The following TNRC6C variants were observed in gnomAD, a reference collection of about 807,000 sequenced individuals.
TNRC6C encodes the protein trinucleotide repeat containing adaptor 6C, also known as trinucleotide repeat-containing gene 6C protein.
In TNRC6C, 20 loss-of-function variants were observed where a neutral mutation model predicts 153.7. The ratio of observed to expected loss-of-function variants is 0.13; its 90% confidence interval spans 0.09 to 0.19. The LOEUF (loss-of-function observed/expected upper bound fraction) is 0.19. TNRC6C is among the 10% of genes least tolerant of loss of function. The probability of loss-of-function intolerance (pLI) is 1.00; values close to 1 mark genes in which losing one functional copy is unlikely to be tolerated. For missense variants in TNRC6C, 1,987 were observed against 2,172.0 expected, an observed-to-expected ratio of 0.91 and a Z score of 1.69; for synonymous variants, 811 against 841.4, an observed-to-expected ratio of 0.96 and a Z score of 0.63.
chr17:77,975,259 G>GT (rs1216306912), intron 1 of TNRC6C, among the ~76,000 whole-genome samples: 2 of 151,978 alleles, frequency 1.3e-5, no homozygotes, highest in Non-Finnish European at 1.5e-5. Context: ...CTGTATTAAG[G>GT]TTTTTTTCTG....
intron 1 of TNRC6C, among the ~76,000 whole-genome samples, chr17:78,006,263 C>T (rs998752080): frequency 9.2e-5 from 14 of 152,154 alleles, no homozygotes; most frequent in African/African-American, 2.4e-4. Flanking sequence ...GGAGTTAATG[C>T]TCAATGAATA....
intron 2 of TNRC6C, among the ~76,000 whole-genome samples, chr17:78,043,183 G>A (rs2072335148): frequency 1.3e-5 from 2 of 152,216 alleles, no homozygotes; most frequent in Non-Finnish European, 2.9e-5. Flanking sequence ...AGCCAAAGGT[G>A]GAATGTCAGC....
At chr17:78,036,042 A>G (rs1165729447) in intron 2 of TNRC6C, among the ~76,000 whole-genome samples, 1 of 152,212 alleles carries the variant, frequency 6.6e-6, no homozygotes, top group Non-Finnish European at 1.5e-5. Flanking sequence ...AAAAAGAAGT[A>G]CAAATGCTGG....
chr17:78,042,824 G>A (rs79662214), intron 2 of TNRC6C, among the ~76,000 whole-genome samples: 3,587 of 151,828 alleles, frequency 0.024, 62 homozygotes, highest in African/African-American at 0.034. Flanking sequence ...GGTGATGGTC[G>A]TAACAGTGGT....
At chr17:78,059,234 CA>C (rs1351138548) in intron 3 of TNRC6C, among the ~76,000 whole-genome samples, 1 of 152,226 alleles carries the variant, frequency 6.6e-6, no homozygotes, top group African/African-American at 2.4e-5. Context: ...TTGACCTCTG[CA>C]GCCAGAAGTA....
intron 9 of TNRC6C, chr17:78,077,642 G>C (rs763851123): frequency 1.3e-5 from 5 of 393,494 alleles, no homozygotes; most frequent in Non-Finnish European, 2.3e-5. Context: ...TCGGCTGCCG[G>C]ATGCATCCAG....
At chr17:78,096,076 G>A (rs189870625) in intron 16 of TNRC6C, among the ~76,000 whole-genome samples, 3 of 152,256 alleles carry the variant, frequency 2.0e-5, no homozygotes, top group South Asian at 2.1e-4. Flanking sequence ...CTCCCAAAGC[G>A]CTGGGATTAC....
intron 11 of TNRC6C, among the ~76,000 whole-genome samples, chr17:78,085,926 A>G (rs925361540): frequency 6.6e-6 from 1 of 152,020 alleles, no homozygotes; most frequent in African/African-American, 2.4e-5. Context: ...TTGCTGACCA[A>G]CATCATCACC....
intron 3 of TNRC6C, among the ~76,000 whole-genome samples, chr17:78,052,412 G>C (rs2072555998): frequency 6.6e-6 from 1 of 152,158 alleles, no homozygotes. Flanking sequence ...CTAGTAGCTG[G>C]GGAAACTGCA....
chr17:78,042,942 T>C (rs1277922341), intron 2 of TNRC6C, among the ~76,000 whole-genome samples: 1 of 151,750 alleles, frequency 6.6e-6, no homozygotes, highest in Non-Finnish European at 1.5e-5. Context: ...GGTTTGGGGG[T>C]TTTGTATGTA....
intron 1 of TNRC6C, among the ~76,000 whole-genome samples, chr17:78,017,705 C>G (rs963018398): frequency 6.6e-6 from 1 of 152,194 alleles, no homozygotes; most frequent in African/African-American, 2.4e-5. Context: ...GTGATACAAT[C>G]CAAAATCCTT....
At chr17:78,048,476 A>G (rs1284161479) in intron 2 of TNRC6C, among the ~76,000 whole-genome samples, 1 of 152,234 alleles carries the variant, frequency 6.6e-6, no homozygotes, top group Non-Finnish European at 1.5e-5. Flanking sequence ...ACGTGAACTT[A>G]CTGTCATTGC....
intron 3 of TNRC6C, among the ~76,000 whole-genome samples, chr17:78,053,957 C>A (rs1040135117): frequency 1.3e-5 from 2 of 152,174 alleles, no homozygotes; most frequent in African/African-American, 4.8e-5. Flanking sequence ...AATGTGTCAT[C>A]AGACAATTTC....
chr17:78,089,119 C>T (rs557982113), intron 13 of TNRC6C, among the ~76,000 whole-genome samples: 2 of 152,078 alleles, frequency 1.3e-5, no homozygotes, highest in South Asian at 4.2e-4. Context: ...AGGCATGCAT[C>T]ACCACGCCTG....
At chr17:78,088,933 T>G (rs2073345847) in intron 13 of TNRC6C, among the ~76,000 whole-genome samples, 1 of 151,714 alleles carries the variant, frequency 6.6e-6, no homozygotes, top group Non-Finnish European at 1.5e-5. Flanking sequence ...AACCTATATT[T>G]GGAGGATAAA....
At chr17:78,025,247 C>G (rs1289834380) in intron 1 of TNRC6C, among the ~76,000 whole-genome samples, 2 of 152,188 alleles carry the variant, frequency 1.3e-5, no homozygotes, top group African/African-American at 2.4e-5. Flanking sequence ...CCCCCACTCC[C>G]CTGGCAACCG....
intron 1 of TNRC6C, among the ~76,000 whole-genome samples, chr17:77,975,678 A>G (rs577940973): frequency 1.3e-5 from 2 of 152,340 alleles, no homozygotes; most frequent in African/African-American, 2.4e-5. Context: ...GACATCATGT[A>G]AGAGTAAAGG....
chr17:78,068,848 CATCTCAT>C (rs2072934117), intron 5 of TNRC6C, among the ~76,000 whole-genome samples: 1 of 152,120 alleles, frequency 6.6e-6, no homozygotes, highest in South Asian at 2.1e-4. Flanking sequence ...CTGAGATACA[CATCTCAT>C]ATATACATGA....
intron 13 of TNRC6C, among the ~76,000 whole-genome samples, chr17:78,089,029 G>T (rs970303680): frequency 2.2e-4 from 31 of 143,090 alleles, no homozygotes; most frequent in African/African-American, 7.8e-4. Context: ...GTGCGATGGC[G>T]CAGTCTCGGC....
Sources: gnomAD v4.1 joint callset for allele counts (sites outside exome capture counted in the v4.1 genomes callset) on GRCh38, gnomAD v4.1.1 for gene constraint, MANE v1.5 for transcripts, NCBI Gene and HGNC (gene_info 2026-07-23, HGNC 2026-07-21) for gene names.